NF1: variants seen among roughly 807,000 people sequenced by gnomAD.
NF1 encodes the protein neurofibromin 1.
Under a neutral mutation model 325.7 loss-of-function variants are expected in NF1, and 122 were observed. That is an observed-to-expected ratio of 0.37 (90% CI 0.32 to 0.44). The LOEUF (loss-of-function observed/expected upper bound fraction) is 0.44, where lower values mean the gene tolerates loss of function less well. NF1 is among the 20% of genes least tolerant of loss of function. The pLI is 1.00. For synonymous variants in NF1, 1,091 were observed against 1,186.0 expected, an observed-to-expected ratio of 0.92 and a Z score of 1.65; for missense variants, 2,140 against 3,415.4, an observed-to-expected ratio of 0.63 and a Z score of 9.31.
intron 8 of NF1, among the ~76,000 whole-genome samples, chr17:31,189,758 ATTTTT>A (rs1007309645): frequency 8.4e-6 from 1 of 118,598 alleles, no homozygotes. Flanking sequence ...AAAGAAAAGT[ATTTTT>A]TTTTTTTTTT....
intron 38 of NF1, 116 bp downstream of exon 38, chr17:31,327,955 A>G: frequency 9.7e-7 from 1 of 1,025,762 alleles, no homozygotes; most frequent in Non-Finnish European, 1.5e-6. Context: ...GAAGGTATGC[A>G]GTGTTGGTTA....
chr17:31,236,479 A>G (rs1442659137), intron 29 of NF1, among the ~76,000 whole-genome samples: 3 of 152,108 alleles, frequency 2.0e-5, no homozygotes, highest in African/African-American at 7.2e-5. Flanking sequence ...TCACTCTGCC[A>G]TTCAGGCTGG....
chr17:31,296,216 A>T, intron 36 of NF1: 3 of 1,614,162 alleles, frequency 1.9e-6, no homozygotes, highest in Non-Finnish European at 2.5e-6. Flanking sequence ...TGAACAGTCC[A>T]CATGCCTGTG....
At position 31,374,892 on chromosome 17, in the gene NF1, C is replaced by A. The variant is rs113950791; in HGVS notation, c.*737C>A. 8.8e-5 allele frequency: 20 copies of A among 228,294 alleles called. No homozygotes were observed. The highest frequency in any genetic ancestry group is 1.6e-4 in the Non-Finnish European group (18 of 114,802). The allele number at this position is 228,294 out of a possible 1,614,324, so 14.1% of individuals were successfully genotyped here. ...TGGCTTCTAAGTCCTTATCCAAACTCAGTCATCCAAACTAGTTTATTTTTT... is the reference window on the plus strand; with the variant it reads ...TGGCTTCTAAGTCCTTATCCAAACTAAGTCATCCAAACTAGTTTATTTTTT... On this transcript the variant is annotated 3_prime_UTR_variant, in exon 58 of 58. Coordinates refer to ENST00000358273, the MANE Select transcript of NF1 (RefSeq NM_001042492.3).
At chr17:31,222,494 T>C in intron 15 of NF1, 1 of 1,028,628 alleles carries the variant, frequency 9.7e-7, no homozygotes, top group Non-Finnish European at 1.2e-6. Context: ...AAGTTTGCCA[T>C]TATCTTATAA....
chr17:31,232,563 G>A, intron 25 of NF1, 137 bp from the exon 26 acceptor site: 1 of 828,260 alleles, frequency 1.2e-6, no homozygotes, highest in Non-Finnish European at 2.0e-6. Context: ...CACCCTGGCT[G>A]ATTATCGCGA....
At chr17:31,195,762 C>G (rs1367257933) in intron 8 of NF1, among the ~76,000 whole-genome samples, 2 of 151,820 alleles carry the variant, frequency 1.3e-5, no homozygotes, top group African/African-American at 4.8e-5. Context: ...TCAGGATTTC[C>G]TTCCTCTTTA....
Position 31,330,259 on chromosome 17 carries a change from T to C in NF1, c.5610-37T>C, listed in dbSNP as rs1433575152. 5 of 1,598,532 alleles carry C rather than the reference T, an allele frequency of 3.1e-6. No homozygotes were observed. The East Asian group carries it at 1.1e-4, about 36-fold the overall frequency. On this transcript the variant is annotated intron_variant, in intron 38 of 57. Transcript: ENST00000358273. ...AAAATTTTGGAACTATAAGGAAAAA[T>C]ACGTTTTAAAACAACTTCATTTGTG...
In NF1 at chr17:31,360,654, T is replaced by C. The variant is rs1408608099; in HGVS notation, c.8328T>C (p.Leu2776=). 1 of 1,613,982 alleles carries C rather than the reference T, an allele frequency of 6.2e-7. No individual in the cohort carries two copies. The highest frequency in any genetic ancestry group is 8.5e-7 in the Non-Finnish European group (1 of 1,180,016). ...GCCAGCTTAGTATCACTGCCAACCTTAACCTTTCTAATTCCATGACCTCAC... is the reference window on the plus strand; with the variant it reads ...GCCAGCTTAGTATCACTGCCAACCTCAACCTTTCTAATTCCATGACCTCAC... ...LQSQLSITAN[L]NLSNSMTSLA... is the part of the protein sequence containing the mutation. The change falls in exon 57 of 58, where the codon CTT becomes CTC. Residue 2776 remains leucine, a synonymous_variant. Coordinates refer to ENST00000358273, the MANE Select transcript of NF1 (RefSeq NM_001042492.3).
chr17:31,245,578 G>A (rs1197343188), intron 29 of NF1, among the ~76,000 whole-genome samples: 1 of 152,102 alleles, frequency 6.6e-6, no homozygotes, highest in Non-Finnish European at 1.5e-5. Context: ...AGAACTCAGG[G>A]GCATACTTTA....
rs199706010 is a variant in NF1, at chr17:31,356,927, G to A, written c.7739-33G>A. 2.1e-4 allele frequency: 331 copies of A among 1,612,922 alleles called. 3 individuals are homozygous for A. The Middle Eastern group carries it at 3.1e-3, about 15-fold the overall frequency. ...AGTTAGGTGAAGTGATTATCCAGGT[G>A]TTTGATCACGTTAATTCCCTATCTT... On this transcript the variant is annotated intron_variant, in intron 52 of 57. Transcript: ENST00000358273.
intron 12 of NF1, among the ~76,000 whole-genome samples, chr17:31,214,175 C>A (rs534451694): frequency 4.0e-5 from 6 of 151,752 alleles, no homozygotes; most frequent in Non-Finnish European, 2.9e-5. Context: ...TGTTTTACAA[C>A]CTGATACTAA....
intron 1 of NF1, among the ~76,000 whole-genome samples, chr17:31,117,695 A>AAAAAAAAAAAAAAAG (rs1914065487): frequency 6.7e-6 from 1 of 149,414 alleles, no homozygotes; most frequent in Non-Finnish European, 1.5e-5. Context: ...AAAAAAAAAA[A>AAAAAAAAAAAAAAAG]AAAAAAAAGG....
At chr17:31,344,606 A>G (rs1041640016) in intron 48 of NF1, among the ~76,000 whole-genome samples, 4 of 152,216 alleles carry the variant, frequency 2.6e-5, no homozygotes, top group African/African-American at 9.6e-5. Context: ...TACACCCACT[A>G]TTGTGAATGT....
chr17:31,097,195 C>T (rs1231659568), intron 1 of NF1, among the ~76,000 whole-genome samples: 1 of 152,046 alleles, frequency 6.6e-6, no homozygotes, highest in Non-Finnish European at 1.5e-5. Flanking sequence ...CGGTGGCTCA[C>T]GCCTGTAATC....
intron 1 of NF1, among the ~76,000 whole-genome samples, chr17:31,138,753 T>TG (rs1445431854): frequency 1.3e-5 from 2 of 150,964 alleles, no homozygotes; most frequent in African/African-American, 2.4e-5. Context: ...TTTTTTTTTT[T>TG]TTGTATTTTT....
At chr17:31,327,938 T>C in intron 38 of NF1, 99 bp downstream of exon 38, 1 of 1,159,240 alleles carries the variant, frequency 8.6e-7, no homozygotes, top group Non-Finnish European at 1.3e-6. Context: ...CTTAATATTG[T>C]AAATTGGAAG....
At chr17:31,241,610 G>A (rs2067298431) in intron 29 of NF1, among the ~76,000 whole-genome samples, 1 of 152,154 alleles carries the variant, frequency 6.6e-6, no homozygotes, top group South Asian at 2.1e-4. Context: ...ATGGCATAAA[G>A]CAGCAAACAA....
chr17:31,150,991 C>T (rs1264651599), intron 1 of NF1, among the ~76,000 whole-genome samples: 1 of 151,338 alleles, frequency 6.6e-6, no homozygotes, highest in African/African-American at 2.4e-5. Context: ...GCTGAGATTA[C>T]GCCACTGCAC....
Sources: allele counts gnomAD v4.1 joint callset (sites outside exome capture counted in the v4.1 genomes callset), GRCh38; gene constraint gnomAD v4.1.1; transcripts MANE v1.5; gene names NCBI Gene and HGNC (gene_info 2026-07-23, HGNC 2026-07-21).